TPD52: variants seen among roughly 807,000 people sequenced by gnomAD.
TPD52 encodes the protein tumor protein D52.
A neutral mutation model predicts 31.3 loss-of-function variants in TPD52; 17 were observed. The ratio of observed to expected loss-of-function variants is 0.54; its 90% CI spans 0.37 to 0.82. The LOEUF (loss-of-function observed/expected upper bound fraction) is 0.82. Among genes scored for constraint, TPD52 ranks in the 40% least tolerant of loss-of-function variants. The pLI is 0.00. For synonymous variants in TPD52, 83 were observed against 89.6 expected, an observed-to-expected ratio of 0.93 and a Z score of 0.42; for missense variants, 212 against 240.1, an observed-to-expected ratio of 0.88 and a Z score of 0.77.
At chr8:80,046,170 T>C (rs952022945) in intron 5 of TPD52, among the ~76,000 whole-genome samples, 7 of 152,178 alleles carry the variant, frequency 4.6e-5, no homozygotes, top group Non-Finnish European at 7.3e-5. Context: ...GGCAAGGAAG[T>C]GACTAGACTG....
intron 1 of TPD52, among the ~76,000 whole-genome samples, chr8:80,156,520 G>A (rs550123507): frequency 6.6e-6 from 1 of 152,276 alleles, no homozygotes; most frequent in African/African-American, 2.4e-5. Context: ...AAGTCTTTGT[G>A]GGATGTTGAT....
At chr8:80,052,965 A>G (rs977113206) in intron 3 of TPD52, 1 of 243,062 alleles carries the variant, frequency 4.1e-6, no homozygotes, top group African/African-American at 2.3e-5. Context: ...CTTGCCACCC[A>G]TTCTTACTGG....
chr8:80,167,638 C>G (rs1811803025), intron 1 of TPD52, among the ~76,000 whole-genome samples: 1 of 152,138 alleles, frequency 6.6e-6, no homozygotes, highest in South Asian at 2.1e-4. Context: ...CCATTATTCT[C>G]TACATTTGCT....
chr8:80,064,345 T>A (rs1487168690), intron 2 of TPD52, 133 bp downstream of exon 2: 1 of 737,826 alleles, frequency 1.4e-6, no homozygotes, highest in African/African-American at 1.8e-5. Context: ...ACTCAAGACC[T>A]GCTGGAGAAG....
chr8:80,153,392 C>T (rs770927555), intron 1 of TPD52, among the ~76,000 whole-genome samples: 1 of 152,184 alleles, frequency 6.6e-6, no homozygotes, highest in Non-Finnish European at 1.5e-5. Context: ...AGCAATGATC[C>T]CTCAAGAAGG....
intron 1 of TPD52, among the ~76,000 whole-genome samples, chr8:80,126,738 C>T (rs1028149282): frequency 5.9e-5 from 9 of 152,118 alleles, no homozygotes; most frequent in Non-Finnish European, 1.3e-4. Context: ...CCGCCTCAGC[C>T]TCCCTATGTG....
chr8:80,064,697 C>G lies in TPD52; in HGVS notation c.20-104G>C, dbSNP rs1812932327. 5.7e-5 allele frequency: 45 copies of G among 792,910 alleles called. 1 individual carries two copies. The South Asian group carries it at 6.5e-4, about 11-fold the overall frequency. The allele number at this position is 792,910 out of a possible 1,614,324, so 49.1% of individuals were successfully genotyped here. On this transcript the variant is annotated intron_variant, in intron 1 of 7. Transcript: ENST00000518937. ...CAGAATAAAGCCAATTAGAGTAGATCCACACATCTCATCTCTGGATATTCA... is the reference window on the plus strand; with the variant it reads ...CAGAATAAAGCCAATTAGAGTAGATGCACACATCTCATCTCTGGATATTCA...
downstream of TPD52, among the ~76,000 whole-genome samples, chr8:80,033,774 T>C (rs78780442): frequency 6.6e-6 from 1 of 152,090 alleles, no homozygotes; most frequent in East Asian, 1.9e-4. Context: ...TGCAGGCAGG[T>C]TGTCCTGATG....
At chr8:80,033,517 G>C (rs542162945), downstream of TPD52, among the ~76,000 whole-genome samples, 3 of 152,116 alleles carry the variant, frequency 2.0e-5, no homozygotes, top group Non-Finnish European at 4.4e-5. Flanking sequence ...GGAATCCCAA[G>C]GTCTGGGTCC....
At chr8:80,170,105 T>C (rs2131295017) in intron 1 of TPD52, among the ~76,000 whole-genome samples, 1 of 152,300 alleles carries the variant, frequency 6.6e-6, no homozygotes, top group Non-Finnish European at 1.5e-5. Flanking sequence ...AAAGAGTCTA[T>C]CTTACAAGTA....
intron 1 of TPD52, among the ~76,000 whole-genome samples, chr8:80,086,249 G>C (rs1481966533): frequency 6.6e-6 from 1 of 150,874 alleles, no homozygotes; most frequent in Non-Finnish European, 1.5e-5. Context: ...CTCCTGAGTA[G>C]CTGGGACTAC....
intron 1 of TPD52, among the ~76,000 whole-genome samples, chr8:80,088,146 T>C (rs1476379128): frequency 6.6e-6 from 1 of 152,176 alleles, no homozygotes; most frequent in African/African-American, 2.4e-5. Context: ...CTCTCCATCC[T>C]GTGGCTGTAG....
chr8:80,076,373 G>A (rs1814536706), intron 1 of TPD52, among the ~76,000 whole-genome samples: 1 of 152,138 alleles, frequency 6.6e-6, no homozygotes. Flanking sequence ...ATGAGCTGGA[G>A]GCCATTATCC....
intron 1 of TPD52, among the ~76,000 whole-genome samples, chr8:80,164,489 G>T (rs143172847): frequency 9.2e-5 from 14 of 152,242 alleles, no homozygotes; most frequent in Admixed American, 8.5e-4. Context: ...CCAGATTGAG[G>T]AAAGATTTAA....
chr8:80,138,784 C>T (rs972511481), intron 1 of TPD52, among the ~76,000 whole-genome samples: 5 of 152,140 alleles, frequency 3.3e-5, no homozygotes, highest in African/African-American at 1.2e-4. Flanking sequence ...GAACCTGTGG[C>T]TCACCGCATC....
intron 1 of TPD52, among the ~76,000 whole-genome samples, chr8:80,118,140 T>C (rs1808005486): frequency 6.6e-6 from 1 of 152,102 alleles, no homozygotes; most frequent in Non-Finnish European, 1.5e-5. Flanking sequence ...GAATTCAGAG[T>C]TCGGAAATAG....
chr8:80,041,774 A>G (rs1462231288), intron 7 of TPD52, among the ~76,000 whole-genome samples: 2 of 152,186 alleles, frequency 1.3e-5, no homozygotes, highest in Non-Finnish European at 2.9e-5. Context: ...ACAATTGAGG[A>G]CTGAACAAAT....
chr8:80,156,251 C>A (rs1171330018), intron 1 of TPD52, among the ~76,000 whole-genome samples: 3 of 152,186 alleles, frequency 2.0e-5, no homozygotes, highest in African/African-American at 7.2e-5. Context: ...GCCTGGCCTC[C>A]AGCATGCAGA....
intron 1 of TPD52, among the ~76,000 whole-genome samples, chr8:80,106,883 G>C (rs372473802): frequency 2.1e-5 from 3 of 145,650 alleles, no homozygotes; most frequent in Non-Finnish European, 3.0e-5. Flanking sequence ...ACGGAGTTTC[G>C]CTCTGTTGCC....
Sources: allele counts gnomAD v4.1 joint callset (sites outside exome capture counted in the v4.1 genomes callset), GRCh38; gene constraint gnomAD v4.1.1; transcripts MANE v1.5; gene names NCBI Gene and HGNC (gene_info 2026-07-23, HGNC 2026-07-21).